KCNK1: variants seen among roughly 807,000 people sequenced by gnomAD.
KCNK1 encodes the protein potassium channel subfamily K member 1.
A neutral mutation model predicts 22.2 loss-of-function variants in KCNK1; 10 were observed. The ratio of observed to expected loss-of-function variants is 0.45; its 90% CI spans 0.28 to 0.76. The LOEUF (loss-of-function observed/expected upper bound fraction) is 0.76, where lower values mean the gene tolerates loss of function less well. Ranked by LOEUF, KCNK1 falls within the 30% of genes least tolerant of loss-of-function variation. The pLI, the probability that KCNK1 is intolerant of heterozygous loss-of-function variation, is 0.14. For missense variants in KCNK1, 378 were observed against 421.0 expected, an observed-to-expected ratio of 0.90 and a Z score of 0.89; for synonymous variants, 200 against 186.4, an observed-to-expected ratio of 1.07 and a Z score of -0.60.
chr1:233,615,782 T>G (rs1213496249), intron 1 of KCNK1, among the ~76,000 whole-genome samples: 1 of 151,706 alleles, frequency 6.6e-6, no homozygotes, highest in Non-Finnish European at 1.5e-5. Flanking sequence ...TTGGGCTATA[T>G]CTTGTTGACT....
intron 1 of KCNK1, among the ~76,000 whole-genome samples, chr1:233,618,384 G>GT (rs201768311): frequency 0.25 from 36,107 of 146,608 alleles, 4,333 homozygotes; most frequent in Middle Eastern, 0.4. Context: ...TCTATACTGT[G>GT]TTTTTTTTTT....
At chr1:233,618,166 G>T (rs1657518462) in intron 1 of KCNK1, among the ~76,000 whole-genome samples, 1 of 152,166 alleles carries the variant, frequency 6.6e-6, no homozygotes, top group Non-Finnish European at 1.5e-5. Context: ...TCCTGCTTCT[G>T]CTGTTTTCTC....
At chr1:233,630,994 T>C (rs1351607143) in intron 1 of KCNK1, among the ~76,000 whole-genome samples, 1 of 152,216 alleles carries the variant, frequency 6.6e-6, no homozygotes, top group Non-Finnish European at 1.5e-5. Context: ...ATAGCTTGTT[T>C]GCAGCAAAAG....
At chr1:233,640,383 T>C (rs1007361117) in intron 1 of KCNK1, among the ~76,000 whole-genome samples, 1 of 152,230 alleles carries the variant, frequency 6.6e-6, no homozygotes, top group Non-Finnish European at 1.5e-5. Flanking sequence ...TAAAGGACTC[T>C]CAGGAAACCT....
At chr1:233,644,580 A>G (rs999255060) in intron 1 of KCNK1, among the ~76,000 whole-genome samples, 1 of 152,194 alleles carries the variant, frequency 6.6e-6, no homozygotes, top group Non-Finnish European at 1.5e-5. Flanking sequence ...AAGGGTGACC[A>G]GAAAGCCTTC....
chr1:233,641,529 T>C (rs1657999145), intron 1 of KCNK1, among the ~76,000 whole-genome samples: 1 of 152,236 alleles, frequency 6.6e-6, no homozygotes, highest in African/African-American at 2.4e-5. Context: ...GACACGTAAA[T>C]GTTCTCACAC....
intron 1 of KCNK1, among the ~76,000 whole-genome samples, chr1:233,664,414 G>T (rs935165270): frequency 1.3e-5 from 2 of 152,036 alleles, no homozygotes; most frequent in African/African-American, 4.8e-5. Context: ...TCTCCAACTT[G>T]CCCATTTCCC....
chr1:233,651,096 G>A (rs1189917561), intron 1 of KCNK1, among the ~76,000 whole-genome samples: 1 of 152,212 alleles, frequency 6.6e-6, no homozygotes, highest in Non-Finnish European at 1.5e-5. Context: ...CAGGTTTGGA[G>A]TGTGGAAATT....
chr1:233,618,382 G>T (rs888168593), intron 1 of KCNK1, among the ~76,000 whole-genome samples: 7 of 137,404 alleles, frequency 5.1e-5, no homozygotes, highest in African/African-American at 1.9e-4. Context: ...CTTCTATACT[G>T]TGTTTTTTTT....
At chr1:233,658,950 A>G (rs1201059191) in intron 1 of KCNK1, among the ~76,000 whole-genome samples, 5 of 152,058 alleles carry the variant, frequency 3.3e-5, no homozygotes, top group Non-Finnish European at 7.4e-5. Context: ...CTTTCTAGAC[A>G]CTGGACACTT....
At chr1:233,650,613 A>G (rs1399040783) in intron 1 of KCNK1, among the ~76,000 whole-genome samples, 1 of 152,068 alleles carries the variant, frequency 6.6e-6, no homozygotes, top group Admixed American at 6.5e-5. Flanking sequence ...TTTTACATGG[A>G]TTGTTTCATT....
At chr1:233,627,684 G>A (rs1309585197) in intron 1 of KCNK1, among the ~76,000 whole-genome samples, 3 of 152,194 alleles carry the variant, frequency 2.0e-5, no homozygotes, top group African/African-American at 4.8e-5. Flanking sequence ...GCACTGTTGT[G>A]TGGATCCACA....
At chr1:233,617,649 G>A (rs1657509003) in intron 1 of KCNK1, among the ~76,000 whole-genome samples, 2 of 152,184 alleles carry the variant, frequency 1.3e-5, no homozygotes, top group African/African-American at 4.8e-5. Context: ...GGCTCACACA[G>A]GTACTCCCAG....
At chr1:233,631,608 A>C in intron 1 of KCNK1, 1 of 253,934 alleles carries the variant, frequency 3.9e-6, no homozygotes. Flanking sequence ...CTACTCTGCA[A>C]GTCTAAAAAT....
intron 1 of KCNK1, among the ~76,000 whole-genome samples, chr1:233,623,676 C>T (rs1174671246): frequency 1.3e-5 from 2 of 152,186 alleles, no homozygotes; most frequent in African/African-American, 4.8e-5. Context: ...GCAACCTCCA[C>T]CTCCCAGGTT....
At chr1:233,617,804 A>G (rs1657510524) in intron 1 of KCNK1, among the ~76,000 whole-genome samples, 1 of 152,180 alleles carries the variant, frequency 6.6e-6, no homozygotes, top group African/African-American at 2.4e-5. Context: ...GCCCGGAGTG[A>G]TGGCGTGTGC....
chr1:233,636,705 G>C (rs1010977458), intron 1 of KCNK1: 4 of 152,296 alleles, frequency 2.6e-5, no homozygotes, highest in Non-Finnish European at 4.4e-5. Context: ...GGGAGGAATC[G>C]GATCACAAGA....
chr1:233,619,771 G>C (rs937874482), intron 1 of KCNK1, among the ~76,000 whole-genome samples: 9 of 152,086 alleles, frequency 5.9e-5, no homozygotes, highest in African/African-American at 2.2e-4. Context: ...TTAGCCAGGC[G>C]TGGTGGTGCA....
At chr1:233,615,330 C>G (rs1001757862) in intron 1 of KCNK1, among the ~76,000 whole-genome samples, 9 of 152,214 alleles carry the variant, frequency 5.9e-5, no homozygotes, top group African/African-American at 1.9e-4. Context: ...TACGACTCAC[C>G]CGCGGGGCGC....
Sources: gnomAD v4.1 joint callset for allele counts (sites outside exome capture counted in the v4.1 genomes callset) on GRCh38, gnomAD v4.1.1 for gene constraint, MANE v1.5 for transcripts, NCBI Gene and HGNC (gene_info 2026-07-23, HGNC 2026-07-21) for gene names.